Variants in ZNF26 observed in about 807,000 individuals in gnomAD.
The protein encoded by ZNF26 is zinc finger protein 26.
Under a neutral mutation model 54.9 loss-of-function variants are expected in ZNF26, and 32 were observed. The ratio of observed to expected loss-of-function variants is 0.58; its 90% CI spans 0.44 to 0.78. ZNF26 has a LOEUF of 0.78. Among genes scored for constraint, ZNF26 ranks in the 30% least tolerant of loss-of-function variants. The pLI is 0.00. For missense variants in ZNF26, 524 were observed against 634.0 expected (o/e 0.83, Z 1.86); for synonymous variants, 221 against 209.2 (o/e 1.06, Z -0.49).
At chr12:132,989,028 A>ATTTTTTTTTTTTTT (rs150395603) in intron 1 of ZNF26, among the ~76,000 whole-genome samples, 1 of 78,826 alleles carries the variant, frequency 1.3e-5, no homozygotes, top group Non-Finnish European at 2.3e-5. Context: ...CTTTCGGTGA[A>ATTTTTTTTTTTTTT]TTTTTTTTTT....
chr12:133,025,615 G>A lies in ZNF26; in HGVS notation c.*14134G>A, dbSNP rs1397624926. The A allele has an allele frequency of 6.6e-6, 1 of 151,610 alleles. No individual in the cohort carries two copies. Among genetic ancestry groups the A allele is most frequent in the African/African-American group, 2.4e-5 (1 of 41,354 alleles). 9.4% of individuals were successfully genotyped at this position (151,610 alleles called of 1,614,324 possible). On this transcript the variant is annotated 3_prime_UTR_variant, in exon 4 of 4. Coordinates refer to ENST00000328654, the MANE Select transcript of ZNF26 (RefSeq NM_019591.4). ...GTCGACACCAGCTCCTTGAACCTGG[G>A]TGGACTTGTAATTTGCCTGTAGCCA...
intron 1 of ZNF26, 69 bp downstream of exon 1, chr12:132,986,942 G>T (rs1220029282): frequency 1.9e-5 from 28 of 1,503,490 alleles, no homozygotes; most frequent in Non-Finnish European, 2.4e-5. Flanking sequence ...TCTCTTCAGG[G>T]TTACTCCGGG....
chr12:132,992,904 G>A lies in ZNF26; in HGVS notation c.33+6031G>A, dbSNP rs1034245758. On this transcript the variant is annotated intron_variant, in intron 1 of 3. Transcript: ENST00000328654. ...TCCCCAGTGTTCTCTTTGCTTGAAG[G>A]TTTCTGTTGATACATCCTTAAGTTC... Among the ~76,000 whole-genome samples the A allele has an allele frequency of 2.5e-4, 37 of 150,890 alleles. No individual in the cohort carries two copies. The South Asian group carries it at 7.8e-3, about 32-fold the overall frequency.
At position 133,020,446 on chromosome 12, in the gene ZNF26, TATA is replaced by T. The variant is rs1366537543; in HGVS notation, c.*8969_*8971del. On this transcript the variant is annotated 3_prime_UTR_variant, in exon 4 of 4. Coordinates refer to ENST00000328654, the MANE Select transcript of ZNF26 (RefSeq NM_019591.4). ...TAAAAATGGTAATGATGATAATATTTATAATATATTTACATTTTGTTTATATAT... is the reference window on the plus strand; with the variant it reads ...TAAAAATGGTAATGATGATAATATTTATATATTTACATTTTGTTTATATAT... 4.6e-5 allele frequency: 7 copies of T among 151,954 alleles called. No individual in the cohort carries two copies. The highest frequency in any genetic ancestry group is 8.8e-5 in the Non-Finnish European group (6 of 67,972). 9.4% of individuals were successfully genotyped at this position (151,954 alleles called of 1,614,324 possible). A position where few individuals can be genotyped will look rare whatever the true frequency, so the allele number is the denominator to read the frequency against.
chr12:133,006,416 AC>A (rs1434953227), intron 1 of ZNF26: 1 of 483,284 alleles, frequency 2.1e-6, no homozygotes, highest in African/African-American at 2.1e-5. Flanking sequence ...TACAAAATGT[AC>A]CCTGGATGTT....
Position 133,011,023 on chromosome 12 carries a change from A to C in ZNF26, c.1144A>C (p.Lys382Gln), listed in dbSNP as rs1334216391. 2 of 1,614,196 alleles carry C rather than the reference A, an allele frequency of 1.2e-6. No homozygotes were observed. Among genetic ancestry groups the C allele is most frequent in the East Asian group, 4.5e-5 (2 of 44,882 alleles). Residue 382 changes from lysine (K) to glutamine (Q), a missense_variant, in exon 4 of 4, where the codon AAG (lysine) becomes CAG (glutamine). Transcript: ENST00000328654. ...TGAATGTGGGAAAGCCTTTGGTAGG[A>C]AGGAACAGCTCACTGCACATCTGAG... ...CGECGKAFGRKEQLTAHLRAH... is the reference protein window; with the variant it reads ...CGECGKAFGRQEQLTAHLRAH...
intron 1 of ZNF26, among the ~76,000 whole-genome samples, chr12:132,988,131 C>T (rs1952866600): frequency 1.3e-5 from 2 of 152,330 alleles, no homozygotes; most frequent in Admixed American, 1.3e-4. Flanking sequence ...GCCTCAGCCT[C>T]CCGAGTAGCT....
At chr12:132,990,156 C>CACT (rs1197747310) in intron 1 of ZNF26, among the ~76,000 whole-genome samples, 1 of 152,112 alleles carries the variant, frequency 6.6e-6, no homozygotes, top group Admixed American at 6.5e-5. Context: ...GGCGTGGTGA[C>CACT]ACATGCCTGT....
intron 1 of ZNF26, among the ~76,000 whole-genome samples, chr12:132,988,032 G>GTTT (rs1952862489): frequency 1.3e-5 from 2 of 152,018 alleles, no homozygotes; most frequent in African/African-American, 2.4e-5. Flanking sequence ...TTTTTGAGAC[G>GTTT]GAGTCTCGCT....
In ZNF26 at chr12:133,001,968, TC is replaced by T. The variant is rs1593654746; in HGVS notation, c.34-5070del. Among the ~76,000 whole-genome samples the T allele has an allele frequency of 6.6e-6, 1 of 152,082 alleles. No individual in the cohort carries two copies. Among genetic ancestry groups the T allele is most frequent in the East Asian group, 1.9e-4 (1 of 5,190 alleles). On this transcript the variant is annotated intron_variant, in intron 1 of 3. Transcript: ENST00000328654. This position sits in a 1 kb window ranked among gnomAD's most constrained non-coding sequence, Gnocchi z 4.7. ...GGTTGTGTGTGGGGCACTTGCACAG[TC>T]CCCTTTTCTTAGAGCCCCTCCTGTT...
chr12:132,992,858 A>G (rs1593636627), intron 1 of ZNF26, among the ~76,000 whole-genome samples: 2 of 134,816 alleles, frequency 1.5e-5, no homozygotes, highest in Admixed American at 1.6e-4. Flanking sequence ...TCCATCTTGG[A>G]TATTCTGTTC....
At chr12:132,994,626 T>C (rs1953035090) in intron 1 of ZNF26, among the ~76,000 whole-genome samples, 1 of 152,192 alleles carries the variant, frequency 6.6e-6, no homozygotes, top group Admixed American at 6.5e-5. Context: ...TTTTGTGAAG[T>C]TGTATGATAT....
rs1953485981 is a variant in ZNF26, at chr12:133,012,009, G to T, written c.*528G>T. The T allele has an allele frequency of 6.6e-6, 1 of 152,028 alleles. No homozygotes were observed. The highest frequency in any genetic ancestry group is 1.5e-5 in the Non-Finnish European group (1 of 68,006). 9.4% of individuals were successfully genotyped at this position (152,028 alleles called of 1,614,324 possible). A position where few individuals can be genotyped will look rare whatever the true frequency, so the allele number is the denominator to read the frequency against. ...CTGAATAGTATTTCTAAAATTTTTTGTACTTTATTTTTTAATGTAACTTGT... is the reference window on the plus strand; with the variant it reads ...CTGAATAGTATTTCTAAAATTTTTTTTACTTTATTTTTTAATGTAACTTGT... On this transcript the variant is annotated 3_prime_UTR_variant, in exon 4 of 4. Transcript: ENST00000328654.
intron 1 of ZNF26, 81 bp downstream of exon 1, chr12:132,986,954 A>T (rs1952835638): frequency 6.9e-7 from 1 of 1,445,950 alleles, no homozygotes. Flanking sequence ...TACTCCGGGA[A>T]CTGAACTCAC....
intron 1 of ZNF26, among the ~76,000 whole-genome samples, chr12:132,999,157 G>A (rs1256747480): frequency 6.6e-6 from 1 of 152,224 alleles, no homozygotes; most frequent in Non-Finnish European, 1.5e-5. Flanking sequence ...CAGAGTCAGT[G>A]GAACAGAAGC....
chr12:132,999,038 G>A (rs1399491502), intron 1 of ZNF26, among the ~76,000 whole-genome samples: 2 of 152,276 alleles, frequency 1.3e-5, no homozygotes, highest in African/African-American at 4.8e-5. Context: ...CAAACAGGAT[G>A]TCATTTGTTC....
At position 133,013,499 on chromosome 12, in the gene ZNF26, C is replaced by T. The variant is rs1953523706; in HGVS notation, c.*2018C>T. On this transcript the variant is annotated 3_prime_UTR_variant, in exon 4 of 4. Coordinates refer to ENST00000328654, the MANE Select transcript of ZNF26 (RefSeq NM_019591.4). Reference sequence around the variant, plus strand: ...ACCTGAGGACTCAGCCTAGCAAGCTCTTGTGATAGACTTTGAATAGCAGTA... The same window carrying T: ...ACCTGAGGACTCAGCCTAGCAAGCTTTTGTGATAGACTTTGAATAGCAGTA... 6.5e-6 allele frequency: 1 copy of T among 154,464 alleles called. No homozygotes were observed. The highest frequency in any genetic ancestry group is 1.4e-5 in the Non-Finnish European group (1 of 69,004). 9.6% of individuals were successfully genotyped at this position (154,464 alleles called of 1,614,324 possible).
chr12:133,026,252 C>T lies in ZNF26; in HGVS notation c.*14771C>T, dbSNP rs1304594323. 1.3e-5 allele frequency: 2 copies of T among 152,078 alleles called. No homozygotes were observed. The highest frequency in any genetic ancestry group is 1.5e-5 in the Non-Finnish European group (1 of 68,052). 9.4% of individuals were successfully genotyped at this position (152,078 alleles called of 1,614,324 possible). On this transcript the variant is annotated 3_prime_UTR_variant, in exon 4 of 4. Transcript: ENST00000328654. ...AGTAGCTGGGATTACAGGTGCTCGC[C>T]ACCATACTTGGCTAATTTTTGTATT...
chr12:133,000,973 C>T (rs1221681731), intron 1 of ZNF26, among the ~76,000 whole-genome samples: 1 of 152,174 alleles, frequency 6.6e-6, no homozygotes, highest in Non-Finnish European at 1.5e-5. Flanking sequence ...TGTGCACCTT[C>T]CCTCTTCCAT....
Sources: allele counts gnomAD v4.1 joint callset (sites outside exome capture counted in the v4.1 genomes callset), GRCh38; gene constraint gnomAD v4.1.1; non-coding constraint Gnocchi (gnomAD v3.1); transcripts MANE v1.5; gene names NCBI Gene and HGNC (gene_info 2026-07-23, HGNC 2026-07-21).